ACSM3: variants seen among roughly 807,000 people sequenced by gnomAD.
ACSM3 encodes acyl-coenzyme A synthetase ACSM3, mitochondrial.
Under a neutral mutation model 74.1 loss-of-function variants are expected in ACSM3, and 61 were observed. The observed-to-expected ratio is 0.82, with a 90% confidence interval of 0.67 to 1.02. The LOEUF (loss-of-function observed/expected upper bound fraction) is 1.02. Ranked by LOEUF, ACSM3 falls within the 50% of genes least tolerant of loss-of-function variation. The pLI is 0.00. For synonymous variants in ACSM3, 213 were observed against 241.5 expected, an observed-to-expected ratio of 0.88 and a Z score of 1.09; for missense variants, 660 against 697.0, an observed-to-expected ratio of 0.95 and a Z score of 0.60.
chr16:20,713,039 G>A (rs2079749342), intron 1 of ACSM3, among the ~76,000 whole-genome samples: 1 of 151,988 alleles, frequency 6.6e-6, no homozygotes, highest in South Asian at 2.1e-4. Context: ...AATACTATTT[G>A]TCCAATCCCA....
intron 1 of ACSM3, among the ~76,000 whole-genome samples, chr16:20,765,595 T>G (rs764998890): frequency 1.9e-4 from 29 of 152,234 alleles, no homozygotes; most frequent in Non-Finnish European, 3.7e-4. Flanking sequence ...AATTATTTAA[T>G]GTCTTCCTTA....
chr16:20,686,952 T>G (rs987176712), intron 1 of ACSM3, among the ~76,000 whole-genome samples: 1 of 151,490 alleles, frequency 6.6e-6, no homozygotes, highest in Admixed American at 6.6e-5. Context: ...GAAAAAGCCA[T>G]ACTCAAAATG....
At chr16:20,776,468 A>G (rs549143210) in intron 3 of ACSM3, among the ~76,000 whole-genome samples, 8 of 152,214 alleles carry the variant, frequency 5.3e-5, no homozygotes, top group South Asian at 2.1e-4. Flanking sequence ...AGTAAAACCT[A>G]TTGTGAAGTG....
At chr16:20,712,687 C>A (rs1274196109) in intron 1 of ACSM3, among the ~76,000 whole-genome samples, 1 of 151,550 alleles carries the variant, frequency 6.6e-6, no homozygotes, top group Non-Finnish European at 1.5e-5. Flanking sequence ...GGGTTGATCA[C>A]CTGAGGTCAG....
chr16:20,736,989 T>C, intron 1 of ACSM3: 2 of 1,614,158 alleles, frequency 1.2e-6, no homozygotes, highest in South Asian at 1.1e-5. Context: ...TGGTTTTGTC[T>C]GCCCCAGCTC....
At chr16:20,770,852 C>T (rs2080184487) in intron 2 of ACSM3, among the ~76,000 whole-genome samples, 1 of 152,118 alleles carries the variant, frequency 6.6e-6, no homozygotes, top group African/African-American at 2.4e-5. Context: ...TTAGGCTACC[C>T]ATCATCCCAA....
chr16:20,782,685 G>T (rs892642878), intron 7 of ACSM3, among the ~76,000 whole-genome samples: 1 of 152,142 alleles, frequency 6.6e-6, no homozygotes, highest in Non-Finnish European at 1.5e-5. Flanking sequence ...CTAATCACAA[G>T]TCCAGGCTGT....
At chr16:20,746,102 A>C (rs540354741) in intron 1 of ACSM3, among the ~76,000 whole-genome samples, 1 of 152,336 alleles carries the variant, frequency 6.6e-6, no homozygotes, top group African/African-American at 2.4e-5. Flanking sequence ...ACCCAAGCCA[A>C]GGTTTAGATT....
At chr16:20,772,323 G>A (rs1217435015) in intron 2 of ACSM3, among the ~76,000 whole-genome samples, 1 of 151,640 alleles carries the variant, frequency 6.6e-6, no homozygotes, top group Non-Finnish European at 1.5e-5. Context: ...TATTTGCCTA[G>A]GGGAGTCTCA....
chr16:20,797,015 T>C lies in ACSM3; in HGVS notation c.*43T>C. 6.3e-7 allele frequency: 1 copy of C among 1,595,250 alleles called. No homozygotes were observed. The highest frequency in any genetic ancestry group is 1.2e-5 in the South Asian group (1 of 86,474). ...CCATATCTATAAAACAAACATAGTA[T>C]CTGTCAATCTCTAGAAACCACAAGA... On this transcript the variant is annotated 3_prime_UTR_variant, in exon 14 of 14. Transcript: ENST00000289416.
At position 20,790,529 on chromosome 16, in the gene ACSM3, T is replaced by A; in HGVS notation, c.1225-58T>A. 3 of 1,501,562 alleles carry A rather than the reference T, an allele frequency of 2.0e-6. No homozygotes were observed. Among genetic ancestry groups the A allele is most frequent in the Non-Finnish European group, 2.8e-6 (3 of 1,090,584 alleles). The allele number at this position is 1,501,562 out of a possible 1,614,324, so 93.0% of individuals were successfully genotyped here. On this transcript the variant is annotated intron_variant, in intron 9 of 13. Transcript: ENST00000289416. This position sits in a 1 kb window ranked among gnomAD's most constrained non-coding sequence, Gnocchi z 4.0. ...CAAAATAAAACTTGCAAAGTTAATA[T>A]TTAAGCTGCGACATTAAACAAAAAT...
chr16:20,724,912 C>G (rs1205230344), intron 1 of ACSM3, among the ~76,000 whole-genome samples: 1 of 152,174 alleles, frequency 6.6e-6, no homozygotes, highest in Non-Finnish European at 1.5e-5. Flanking sequence ...ACATTCCATG[C>G]TCATGGGTAG....
chr16:20,773,179 C>T (rs902484382), intron 2 of ACSM3, among the ~76,000 whole-genome samples: 1 of 152,068 alleles, frequency 6.6e-6, no homozygotes, highest in Non-Finnish European at 1.5e-5. Context: ...TCATAAGAGT[C>T]TTTAATGATC....
At chr16:20,687,293 C>T (rs893622808) in intron 1 of ACSM3, among the ~76,000 whole-genome samples, 5 of 152,022 alleles carry the variant, frequency 3.3e-5, no homozygotes, top group African/African-American at 9.7e-5. Flanking sequence ...TACAATAAAA[C>T]ATGTAAGACC....
At chr16:20,709,183 C>T (rs913061417) in intron 1 of ACSM3, among the ~76,000 whole-genome samples, 1 of 152,084 alleles carries the variant, frequency 6.6e-6, no homozygotes, top group African/African-American at 2.4e-5. Flanking sequence ...ACCCAGGAGG[C>T]GGAGCTTACA....
rs754487069 is a variant in ACSM3, at chr16:20,770,193, G to T, written c.159G>T (p.Gly53=). 3 of 1,614,154 alleles carry T rather than the reference G, an allele frequency of 1.9e-6. No individual in the cohort carries two copies. Among genetic ancestry groups the T allele is most frequent in the Non-Finnish European group, 2.5e-6 (3 of 1,180,016 alleles). Residue 53 remains glycine (G), a synonymous_variant, in exon 2 of 14, where the codon GGG becomes GGT. Transcript: ENST00000289416. The part of the protein sequence containing the change: ...YESMKQDFKL[G]IPEYFNFAKD... ...CCATGAAACAGGACTTCAAACTGGG[G>T]ATTCCAGAGTATTTCAACTTTGCTA...
intron 1 of ACSM3, among the ~76,000 whole-genome samples, chr16:20,728,953 A>G (rs1251793414): frequency 6.6e-6 from 1 of 152,054 alleles, no homozygotes; most frequent in Non-Finnish European, 1.5e-5. Flanking sequence ...CAAAAACATA[A>G]AACAATTAGC....
intron 1 of ACSM3, chr16:20,702,895 T>C (rs2079717362): frequency 6.6e-6 from 1 of 152,276 alleles, no homozygotes; most frequent in African/African-American, 2.4e-5. Flanking sequence ...CCCACGCCTG[T>C]GTCCTGAATG....
intron 1 of ACSM3, 35 bp downstream of exon 1, chr16:20,764,160 C>T (rs2080100590): frequency 6.6e-6 from 1 of 152,192 alleles, no homozygotes; most frequent in South Asian, 2.1e-4. Context: ...TGTAAGATTT[C>T]CTGAACTGGC....
Sources: gnomAD v4.1 joint callset for allele counts (sites outside exome capture counted in the v4.1 genomes callset) on GRCh38, gnomAD v4.1.1 for gene constraint, Gnocchi (gnomAD v3.1) non-coding constraint, MANE v1.5 for transcripts, NCBI Gene and HGNC (gene_info 2026-07-23, HGNC 2026-07-21) for gene names.